The following NPAS3 variants were observed in gnomAD, a reference collection of about 807,000 sequenced individuals.
NPAS3 encodes the protein neuronal PAS domain-containing protein 3.
Under a neutral mutation model 73.1 loss-of-function variants are expected in NPAS3, and 14 were observed. The ratio of observed to expected loss-of-function variants is 0.19; its 90% CI spans 0.13 to 0.30. NPAS3 has a LOEUF of 0.30. Among genes scored for constraint, NPAS3 ranks in the 10% least tolerant of loss-of-function variants. The pLI is 1.00. For synonymous variants in NPAS3, 620 were observed against 541.5 expected (o/e 1.14, Z -2.01); for missense variants, 1,096 against 1,250.0 (o/e 0.88, Z 1.86).
intron 9 of NPAS3, among the ~76,000 whole-genome samples, chr14:33,784,219 C>A (rs2063071975): frequency 6.6e-6 from 1 of 152,154 alleles, no homozygotes; most frequent in African/African-American, 2.4e-5. Context: ...TATGAGCAGT[C>A]GTTTTTTTCC....
At chr14:33,674,596 TGAATCCC>T (rs1250215029) in intron 5 of NPAS3, among the ~76,000 whole-genome samples, 6 of 152,208 alleles carry the variant, frequency 3.9e-5, no homozygotes, top group Non-Finnish European at 8.8e-5. Context: ...CTGATCACTG[TGAATCCC>T]GATTTACGCT....
At chr14:33,348,143 G>A (rs1425206040) in intron 3 of NPAS3, among the ~76,000 whole-genome samples, 1 of 152,154 alleles carries the variant, frequency 6.6e-6, no homozygotes, top group Non-Finnish European at 1.5e-5. Context: ...TTAGAGAGGA[G>A]GAAATCAAGA....
chr14:32,971,832 C>T (rs1258950378), intron 1 of NPAS3, among the ~76,000 whole-genome samples: 2 of 151,860 alleles, frequency 1.3e-5, no homozygotes, highest in East Asian at 3.9e-4. Context: ...CTTCTACATC[C>T]ATTTTGAAAT....
chr14:33,619,939 G>A (rs190251012), intron 5 of NPAS3, among the ~76,000 whole-genome samples: 76 of 152,266 alleles, frequency 5.0e-4, no homozygotes, highest in Non-Finnish European at 3.2e-4. Context: ...AGGCTGCCAC[G>A]ATTCTCTGAC....
intron 4 of NPAS3, among the ~76,000 whole-genome samples, chr14:33,524,193 T>G (rs56403679): frequency 0.012 from 1,775 of 152,278 alleles, 39 homozygotes; most frequent in African/African-American, 0.04. Context: ...CTAAAAGTCC[T>G]CCTTACCCTC....
chr14:33,176,710 T>A (rs990755086), intron 2 of NPAS3, among the ~76,000 whole-genome samples: 1 of 152,210 alleles, frequency 6.6e-6, no homozygotes, highest in Non-Finnish European at 1.5e-5. Flanking sequence ...GAGTCTCTGA[T>A]TTCCATTATT....
intron 2 of NPAS3, among the ~76,000 whole-genome samples, chr14:33,070,135 C>A (rs893700520): frequency 6.6e-6 from 1 of 152,072 alleles, no homozygotes; most frequent in Non-Finnish European, 1.5e-5. Context: ...AGATATGACT[C>A]CTAGTACATA....
chr14:33,510,513 C>A (rs1885261), intron 4 of NPAS3, among the ~76,000 whole-genome samples: 1 of 151,914 alleles, frequency 6.6e-6, no homozygotes, highest in African/African-American at 2.4e-5. Flanking sequence ...AAAGGACATA[C>A]AATTCCTCAC....
intron 5 of NPAS3, among the ~76,000 whole-genome samples, chr14:33,580,460 G>T (rs1018340780): frequency 2.6e-5 from 4 of 152,168 alleles, no homozygotes; most frequent in African/African-American, 7.2e-5. Flanking sequence ...CAGACGGCAG[G>T]TGTATTTTAA....
chr14:32,948,476 T>C (rs2036353805), intron 1 of NPAS3, among the ~76,000 whole-genome samples: 1 of 152,170 alleles, frequency 6.6e-6, no homozygotes, highest in Non-Finnish European at 1.5e-5. Flanking sequence ...AGGTTTTCAT[T>C]ATTCTGAATT....
intron 7 of NPAS3, among the ~76,000 whole-genome samples, chr14:33,752,715 T>C (rs1372515320): frequency 1.3e-5 from 2 of 152,198 alleles, no homozygotes; most frequent in Admixed American, 6.5e-5. Context: ...ATGTTGACAA[T>C]GTATCAGCCC....
chr14:33,697,481 C>T (rs546330453), intron 6 of NPAS3, among the ~76,000 whole-genome samples: 7 of 151,962 alleles, frequency 4.6e-5, no homozygotes, highest in African/African-American at 1.7e-4. Flanking sequence ...TTATGAGGGC[C>T]GGGGAAAAGT....
intron 2 of NPAS3, among the ~76,000 whole-genome samples, chr14:33,136,058 CTT>C (rs34308954): frequency 9.0e-4 from 104 of 115,412 alleles, no homozygotes; most frequent in Middle Eastern, 4.3e-3. Flanking sequence ...TACCTTTTTT[CTT>C]TTTTTTTTTT....
intron 5 of NPAS3, among the ~76,000 whole-genome samples, chr14:33,622,653 A>G (rs2058108292): frequency 6.6e-6 from 1 of 152,204 alleles, no homozygotes. Context: ...ATTCCCATCC[A>G]GATTGCAGCT....
intron 4 of NPAS3, among the ~76,000 whole-genome samples, chr14:33,410,012 C>CT (rs1281526238): frequency 1.3e-5 from 2 of 152,140 alleles, no homozygotes; most frequent in African/African-American, 4.8e-5. Context: ...CTCTTTGTAG[C>CT]TCTAACATTG....
At chr14:33,183,698 C>G (rs1021815994) in intron 2 of NPAS3, among the ~76,000 whole-genome samples, 9 of 151,926 alleles carry the variant, frequency 5.9e-5, no homozygotes, top group Non-Finnish European at 1.0e-4. Flanking sequence ...GAGTGACCTT[C>G]TAAAGTCATA....
Position 33,800,233 on chromosome 14 carries a change from T to C in NPAS3, c.1926T>C (p.Ser642=), listed in dbSNP as rs2063655024. ...CGCGGCTGCTGTCCTCCCCCAACAG[T>C]GCCTCGGTGCTCAAGATCAAGACGG... The change falls in exon 12 of 12, where the codon AGT becomes AGC. Residue 642 remains serine (S), a synonymous_variant. Transcript: ENST00000356141. This position sits in a 1 kb window ranked among gnomAD's most constrained non-coding sequence, Gnocchi z 6.5. The C allele has an allele frequency of 6.2e-7, 1 of 1,612,756 alleles. No individual in the cohort carries two copies. The highest frequency in any genetic ancestry group is 1.7e-5 in the Admixed American group (1 of 59,942).
intron 4 of NPAS3, among the ~76,000 whole-genome samples, chr14:33,461,484 T>C (rs1029981876): frequency 6.6e-5 from 10 of 152,214 alleles, no homozygotes; most frequent in African/African-American, 2.4e-4. Flanking sequence ...ACAGTATGGG[T>C]CAAACATCTT....
At chr14:33,669,673 T>C (rs565816543) in intron 5 of NPAS3, among the ~76,000 whole-genome samples, 1 of 152,272 alleles carries the variant, frequency 6.6e-6, no homozygotes, top group East Asian at 1.9e-4. Context: ...TTTCTAGAAG[T>C]ATTTAAACAT....
Sources: allele counts gnomAD v4.1 joint callset (sites outside exome capture counted in the v4.1 genomes callset), GRCh38; gene constraint gnomAD v4.1.1; non-coding constraint Gnocchi (gnomAD v3.1); transcripts MANE v1.5; gene names NCBI Gene and HGNC (gene_info 2026-07-23, HGNC 2026-07-21).